ZBTB16: variants seen among roughly 807,000 people sequenced by gnomAD.
ZBTB16 encodes zinc finger and BTB domain containing 16, also known as zinc finger and BTB domain-containing protein 16.
ZBTB16 carries 8 observed loss-of-function variants against 56.8 expected under a neutral mutation model. The observed-to-expected ratio is 0.14, with a 90% CI of 0.08 to 0.25. ZBTB16 has a LOEUF of 0.25. Ranked by LOEUF, ZBTB16 falls within the 10% of genes least tolerant of loss-of-function variation. The pLI is 1.00. For synonymous variants in ZBTB16, 363 were observed against 368.5 expected, an observed-to-expected ratio of 0.98 and a Z score of 0.17; for missense variants, 625 against 903.0, an observed-to-expected ratio of 0.69 and a Z score of 3.95.
intron 2 of ZBTB16, among the ~76,000 whole-genome samples, chr11:114,091,899 G>A (rs191091484): frequency 1.5e-3 from 228 of 152,274 alleles, no homozygotes; most frequent in Middle Eastern, 3.4e-3. Context: ...TTAAACAAGT[G>A]CTTTGATGCT....
In ZBTB16 at chr11:114,139,558, C is replaced by G. The variant is rs181797397; in HGVS notation, c.1269-16779C>G. ...CTCTAAGAGGTTTCCTTCTCCCCCCCCAAAGACCAGCAGTTTGCTCAAACA... is the reference window on the plus strand; with the variant it reads ...CTCTAAGAGGTTTCCTTCTCCCCCCGCAAAGACCAGCAGTTTGCTCAAACA... On this transcript the variant is annotated intron_variant, in intron 2 of 6. Coordinates refer to ENST00000335953, the MANE Select transcript of ZBTB16 (RefSeq NM_006006.6). Among the ~76,000 whole-genome samples, 48 of 151,952 alleles carry G rather than the reference C, an allele frequency of 3.2e-4. 1 individual carries two copies. Among genetic ancestry groups the G allele is most frequent in the South Asian group, 8.3e-4 (4 of 4,806 alleles).
intron 4 of ZBTB16, among the ~76,000 whole-genome samples, chr11:114,220,049 G>A (rs750012040): frequency 6.6e-6 from 1 of 152,250 alleles, no homozygotes; most frequent in Non-Finnish European, 1.5e-5. Flanking sequence ...AGAGAGAGGT[G>A]AGGAAAGAGA....
chr11:114,142,434 C>T (rs1276209902), intron 2 of ZBTB16, among the ~76,000 whole-genome samples: 1 of 152,192 alleles, frequency 6.6e-6, no homozygotes, highest in Non-Finnish European at 1.5e-5. Flanking sequence ...ATAACACAGG[C>T]CTGTAATCTA....
intron 5 of ZBTB16, 182 bp from the exon 6 acceptor site, chr11:114,247,016 C>A: frequency 1.4e-6 from 1 of 719,912 alleles, no homozygotes; most frequent in Non-Finnish European, 2.4e-6. Flanking sequence ...AAAGTATGGT[C>A]ATGTGTGAAG....
At chr11:114,079,100 TAA>T (rs10609677) in intron 2 of ZBTB16, among the ~76,000 whole-genome samples, 48 of 137,124 alleles carry the variant, frequency 3.5e-4, no homozygotes, top group African/African-American at 1.0e-3. Context: ...TTTGTCTCAT[TAA>T]AAAAAAAAAA....
At chr11:114,198,982 T>C (rs1023592667) in intron 4 of ZBTB16, among the ~76,000 whole-genome samples, 3 of 152,346 alleles carry the variant, frequency 2.0e-5, no homozygotes, top group Non-Finnish European at 2.9e-5. Context: ...GGTGTTTGGC[T>C]CTTTTGGGAT....
intron 2 of ZBTB16, among the ~76,000 whole-genome samples, chr11:114,089,932 G>A (rs1387170721): frequency 2.6e-5 from 4 of 152,188 alleles, no homozygotes; most frequent in Non-Finnish European, 4.4e-5. Flanking sequence ...CCTCCCTGGG[G>A]CAGCCAGCCA....
chr11:114,194,122 G>A (rs943081517), intron 4 of ZBTB16, among the ~76,000 whole-genome samples: 2 of 152,090 alleles, frequency 1.3e-5, no homozygotes, highest in African/African-American at 2.4e-5. Flanking sequence ...CTAAGAAGCC[G>A]CAACACCCTG....
At chr11:114,248,257 GACAAA>G (rs769173890) in intron 6 of ZBTB16, among the ~76,000 whole-genome samples, 2 of 152,204 alleles carry the variant, frequency 1.3e-5, no homozygotes, top group Non-Finnish European at 2.9e-5. Context: ...GAGGTCAAAA[GACAAA>G]ACAAGTGAAG....
chr11:114,239,337 G>A (rs2135193449), intron 4 of ZBTB16, among the ~76,000 whole-genome samples: 2 of 152,238 alleles, frequency 1.3e-5, no homozygotes, highest in South Asian at 4.2e-4. Flanking sequence ...GGCCTCCAAA[G>A]CCTACTCAAC....
chr11:114,249,495 G>A (rs1395853480), intron 6 of ZBTB16, among the ~76,000 whole-genome samples: 4 of 145,216 alleles, frequency 2.8e-5, no homozygotes, highest in Admixed American at 2.0e-4. Flanking sequence ...GCCGGGCGCG[G>A]TGGCTCACGC....
chr11:114,224,549 G>C (rs984275164), intron 4 of ZBTB16, among the ~76,000 whole-genome samples: 2 of 152,148 alleles, frequency 1.3e-5, no homozygotes, highest in South Asian at 4.1e-4. Flanking sequence ...AGACCCACTG[G>C]ATATGTCCAT....
At chr11:114,164,198 G>A (rs967836937) in intron 3 of ZBTB16, among the ~76,000 whole-genome samples, 3 of 152,208 alleles carry the variant, frequency 2.0e-5, no homozygotes, top group Non-Finnish European at 2.9e-5. Flanking sequence ...TCAGAGAGGA[G>A]CCTGTCAGAT....
At position 114,064,210 on chromosome 11, in the gene ZBTB16, G is replaced by A. The variant is rs754001710; in HGVS notation, c.910G>A (p.Glu304Lys). The A allele has an allele frequency of 1.6e-5, 26 of 1,613,806 alleles. 1 individual carries two copies. Among genetic ancestry groups the A allele is most frequent in the African/African-American group, 1.5e-4 (11 of 74,928 alleles). Reference protein sequence around the residue: ...ELHYGREESAEQVPPPAEAGQ... With the variant: ...ELHYGREESAKQVPPPAEAGQ... Reference sequence around the variant, plus strand: ...ACACTATGGGCGAGAGGAGAGTGCCGAGCAGGTGCCACCCCCAGCTGAGGC... The same window carrying A: ...ACACTATGGGCGAGAGGAGAGTGCCAAGCAGGTGCCACCCCCAGCTGAGGC... The change falls in exon 2 of 7, where the codon GAG (glutamate) becomes AAG (lysine). Residue 304 changes from glutamate to lysine, a missense_variant. Physicochemically the swap from Glu to Lys is moderately conservative, Grantham distance 56. Transcript: ENST00000335953. This position sits in a 1 kb window ranked among gnomAD's most constrained non-coding sequence, Gnocchi z 4.2.
chr11:114,078,318 C>A (rs1179504209), intron 2 of ZBTB16, among the ~76,000 whole-genome samples: 2 of 152,166 alleles, frequency 1.3e-5, no homozygotes, highest in African/African-American at 4.8e-5. Context: ...TTGGTCGTCT[C>A]CCACCCCTAC....
At chr11:114,079,046 G>T (rs1288612838) in intron 2 of ZBTB16, among the ~76,000 whole-genome samples, 1 of 151,166 alleles carries the variant, frequency 6.6e-6, no homozygotes, top group Non-Finnish European at 1.5e-5. Context: ...GGAGGCGGAG[G>T]TTGCAGTGAG....
At chr11:114,172,868 T>G (rs1209328395) in intron 3 of ZBTB16, among the ~76,000 whole-genome samples, 1 of 152,158 alleles carries the variant, frequency 6.6e-6, no homozygotes, top group Non-Finnish European at 1.5e-5. Context: ...TTTGTTTTGG[T>G]TTGTTTTTTT....
intron 2 of ZBTB16, among the ~76,000 whole-genome samples, chr11:114,105,218 A>G (rs1940746031): frequency 6.6e-6 from 1 of 151,548 alleles, no homozygotes; most frequent in South Asian, 2.1e-4. Flanking sequence ...CAAAACGCTG[A>G]ATTAATTCTG....
intron 5 of ZBTB16, among the ~76,000 whole-genome samples, chr11:114,242,832 C>CGG (rs1944739482): frequency 6.6e-6 from 1 of 152,184 alleles, no homozygotes; most frequent in Non-Finnish European, 1.5e-5. Context: ...AGCAGTGATC[C>CGG]TACTTTCCCC....
Sources: allele counts gnomAD v4.1 joint callset (sites outside exome capture counted in the v4.1 genomes callset), GRCh38; gene constraint gnomAD v4.1.1; non-coding constraint Gnocchi (gnomAD v3.1); transcripts MANE v1.5; gene names NCBI Gene and HGNC (gene_info 2026-07-23, HGNC 2026-07-21).